Variants in MED27 observed in about 807,000 individuals in gnomAD.
The protein encoded by MED27 is mediator complex subunit 27.
Under a neutral mutation model 38.2 loss-of-function variants are expected in MED27, and 30 were observed. The ratio of observed to expected loss-of-function variants is 0.79; its 90% CI spans 0.59 to 1.07. The LOEUF is 1.07. MED27 is among the 50% of genes least tolerant of loss of function. The probability of loss-of-function intolerance (pLI) is 0.00; values close to 1 mark genes in which losing one functional copy is unlikely to be tolerated. For missense variants in MED27, 289 were observed against 397.5 expected (o/e 0.73, Z 2.32); for synonymous variants, 122 against 153.5 (o/e 0.79, Z 1.52).
intron 3 of MED27, among the ~76,000 whole-genome samples, chr9:131,998,454 C>T (rs545675115): frequency 1.1e-3 from 173 of 152,200 alleles, no homozygotes; most frequent in Middle Eastern, 6.8e-3. Context: ...CACTTATCTG[C>T]ATCCTTATTT....
intron 4 of MED27, among the ~76,000 whole-genome samples, chr9:131,935,072 G>A (rs1016531328): frequency 2.6e-5 from 4 of 152,168 alleles, no homozygotes; most frequent in Non-Finnish European, 5.9e-5. Context: ...AAGGGTAGTT[G>A]GGGTGGGAGT....
intron 3 of MED27, among the ~76,000 whole-genome samples, chr9:131,969,136 A>T (rs2131010767): frequency 6.6e-6 from 1 of 152,292 alleles, no homozygotes; most frequent in Middle Eastern, 3.4e-3. Flanking sequence ...CGCACAATGA[A>T]CGTAACGTGC....
intron 6 of MED27, among the ~76,000 whole-genome samples, chr9:131,876,519 ATG>A (rs1838935922): frequency 6.6e-6 from 1 of 152,202 alleles, no homozygotes; most frequent in Non-Finnish European, 1.5e-5. Flanking sequence ...TTTAGTTTAG[ATG>A]CTTATGAATA....
At chr9:131,929,679 C>T (rs1031255921) in intron 4 of MED27, among the ~76,000 whole-genome samples, 4 of 152,142 alleles carry the variant, frequency 2.6e-5, no homozygotes, top group African/African-American at 4.8e-5. Context: ...GCTCTTCTGC[C>T]TGTGGAAAGG....
intron 4 of MED27, among the ~76,000 whole-genome samples, chr9:131,931,431 G>A (rs1830586304): frequency 6.6e-6 from 1 of 151,768 alleles, no homozygotes; most frequent in African/African-American, 2.4e-5. Flanking sequence ...ACAAAAGAAG[G>A]AAGGAAGACC....
intron 3 of MED27, among the ~76,000 whole-genome samples, chr9:131,967,485 C>CTT (rs560957988): frequency 6.4e-5 from 9 of 141,386 alleles, no homozygotes; most frequent in Admixed American, 2.1e-4. Flanking sequence ...TCTCATGAAT[C>CTT]TTTTTTTTTT....
intron 4 of MED27, among the ~76,000 whole-genome samples, chr9:131,902,288 C>T (rs185735159): frequency 1.3e-5 from 2 of 152,092 alleles, no homozygotes; most frequent in Non-Finnish European, 2.9e-5. Flanking sequence ...TCGTGCTGGG[C>T]GGAACTGTCC....
Position 131,929,785 on chromosome 9 carries a change from T to A in MED27, c.573+9596A>T, listed in dbSNP as rs1459909434. The stretch of plus-strand genomic sequence containing the variant: ...TCCAATCCCTGGCTCTCAGACAGCA[T>A]CTGTGAACCCACCTGGGACCTAGGG... On this transcript the variant is annotated intron_variant, in intron 4 of 7. Transcript: ENST00000292035. 1.3e-5 allele frequency among the ~76,000 whole-genome samples: 2 copies of A among 152,300 alleles called. 1 individual carries two copies. The highest frequency in any genetic ancestry group is 4.1e-4 in the South Asian group (2 of 4,828).
intron 3 of MED27, among the ~76,000 whole-genome samples, chr9:131,946,006 T>C (rs906315670): frequency 6.6e-6 from 1 of 151,702 alleles, no homozygotes; most frequent in African/African-American, 2.4e-5. Context: ...GCAATATTTG[T>C]CTTTCTGTCT....
intron 4 of MED27, among the ~76,000 whole-genome samples, chr9:131,927,782 C>T (rs1348054743): frequency 6.6e-6 from 1 of 152,126 alleles, no homozygotes; most frequent in East Asian, 1.9e-4. Flanking sequence ...TTGGTAGTCT[C>T]CCCCTCCCTT....
At chr9:131,891,154 AG>A (rs1454222460) in intron 5 of MED27, among the ~76,000 whole-genome samples, 3 of 152,222 alleles carry the variant, frequency 2.0e-5, no homozygotes, top group Non-Finnish European at 4.4e-5. Flanking sequence ...GCCACTGTAA[AG>A]GGAAGAGTAA....
At chr9:132,077,045 C>T (rs140471312) in intron 2 of MED27, among the ~76,000 whole-genome samples, 128 of 152,274 alleles carry the variant, frequency 8.4e-4, no homozygotes, top group Admixed American at 3.3e-3. Flanking sequence ...ACATAATGTG[C>T]GCAGCTAAAC....
At chr9:132,036,222 T>G (rs1219386566) in intron 2 of MED27, among the ~76,000 whole-genome samples, 1 of 152,200 alleles carries the variant, frequency 6.6e-6, no homozygotes. Flanking sequence ...TTTGTTTTTA[T>G]AGTCAGGGTC....
intron 2 of MED27, among the ~76,000 whole-genome samples, chr9:132,060,720 G>A (rs928512551): frequency 2.0e-5 from 3 of 152,204 alleles, no homozygotes; most frequent in African/African-American, 7.2e-5. Context: ...AGGCTGGGAC[G>A]GGCAGATCAC....
At chr9:131,886,705 T>A (rs1485452732) in intron 5 of MED27, among the ~76,000 whole-genome samples, 5 of 152,254 alleles carry the variant, frequency 3.3e-5, no homozygotes, top group African/African-American at 1.2e-4. Context: ...TGAAATTAAT[T>A]CCCCACATTA....
chr9:131,868,225 C>T (rs898806227), intron 6 of MED27, among the ~76,000 whole-genome samples: 2 of 152,130 alleles, frequency 1.3e-5, no homozygotes, highest in African/African-American at 4.8e-5. Flanking sequence ...TGTGCCAAGT[C>T]CTATGTGCCC....
chr9:131,953,053 T>C (rs1831030265), intron 3 of MED27, among the ~76,000 whole-genome samples: 2 of 152,220 alleles, frequency 1.3e-5, no homozygotes, highest in African/African-American at 2.4e-5. Context: ...AACAGTGATA[T>C]AAGTATTCTA....
intron 2 of MED27, among the ~76,000 whole-genome samples, chr9:132,056,380 C>G (rs1298025034): frequency 6.6e-6 from 1 of 152,144 alleles, no homozygotes; most frequent in Non-Finnish European, 1.5e-5. Context: ...AATAATTACA[C>G]AGTAGCCGGC....
chr9:131,974,978 G>C (rs1001884795), intron 3 of MED27, among the ~76,000 whole-genome samples: 1 of 152,050 alleles, frequency 6.6e-6, no homozygotes, highest in African/African-American at 2.4e-5. Context: ...GTGTTCGATG[G>C]AACCTAAGTG....
Sources: allele counts gnomAD v4.1 joint callset (sites outside exome capture counted in the v4.1 genomes callset), GRCh38; gene constraint gnomAD v4.1.1; transcripts MANE v1.5; gene names NCBI Gene and HGNC (gene_info 2026-07-23, HGNC 2026-07-21).